LRRTM4: variants seen among roughly 807,000 people sequenced by gnomAD.
LRRTM4 encodes leucine rich repeat transmembrane neuronal 4.
Under a neutral mutation model 47.6 loss-of-function variants are expected in LRRTM4, and 25 were observed. The observed-to-expected ratio is 0.53, with a 90% confidence interval of 0.38 to 0.73. The LOEUF (loss-of-function observed/expected upper bound fraction) is 0.73. Ranked by LOEUF, LRRTM4 falls within the 30% of genes least tolerant of loss-of-function variation. The pLI is 0.00. For synonymous variants in LRRTM4, 311 were observed against 269.5 expected (o/e 1.15, Z -1.51); for missense variants, 638 against 713.4 (o/e 0.89, Z 1.20).
chr2:76,870,376 T>C (rs1442331543), intron 3 of LRRTM4, among the ~76,000 whole-genome samples: 1 of 152,140 alleles, frequency 6.6e-6, no homozygotes, highest in Non-Finnish European at 1.5e-5. Flanking sequence ...GAGTAATAAT[T>C]ATGTGGGCAT....
At chr2:77,431,731 G>A (rs903265971) in intron 3 of LRRTM4, among the ~76,000 whole-genome samples, 4 of 149,054 alleles carry the variant, frequency 2.7e-5, no homozygotes, top group Admixed American at 6.6e-5. Context: ...GGTGGGGAAG[G>A]CAGAGGGTAG....
At chr2:77,356,637 CTA>C (rs1671978442) in intron 3 of LRRTM4, among the ~76,000 whole-genome samples, 1 of 152,130 alleles carries the variant, frequency 6.6e-6, no homozygotes, top group Non-Finnish European at 1.5e-5. Flanking sequence ...AGCGCCTATG[CTA>C]TCATTTCAGC....
chr2:76,910,560 A>C (rs962080862), intron 3 of LRRTM4, among the ~76,000 whole-genome samples: 1 of 152,208 alleles, frequency 6.6e-6, no homozygotes, highest in Non-Finnish European at 1.5e-5. Flanking sequence ...TTTGTTTCTC[A>C]TTATGTCAGG....
chr2:77,503,778 G>A (rs1678662214), intron 3 of LRRTM4, among the ~76,000 whole-genome samples: 1 of 151,658 alleles, frequency 6.6e-6, no homozygotes. Flanking sequence ...ATGAACCCAT[G>A]TACAGAAGTC....
At chr2:76,922,107 C>A (rs1204455786) in intron 3 of LRRTM4, among the ~76,000 whole-genome samples, 1 of 151,946 alleles carries the variant, frequency 6.6e-6, no homozygotes, top group Non-Finnish European at 1.5e-5. Context: ...GTAGGTGAAC[C>A]TAGAAGATAT....
At chr2:77,410,462 G>A (rs1442478332) in intron 3 of LRRTM4, among the ~76,000 whole-genome samples, 4 of 152,114 alleles carry the variant, frequency 2.6e-5, no homozygotes, top group Non-Finnish European at 5.9e-5. Flanking sequence ...TTGCTTTACA[G>A]GATGTAACAC....
intron 3 of LRRTM4, among the ~76,000 whole-genome samples, chr2:77,155,559 T>C (rs1298799438): frequency 6.7e-6 from 1 of 150,214 alleles, no homozygotes; most frequent in East Asian, 2.0e-4. Flanking sequence ...TTGAATAATA[T>C]TATATATATA....
rs185859550 is a variant in LRRTM4 at position 76,941,888 on chromosome 2, A to C, written c.1552-192972T>G. Among the ~76,000 whole-genome samples, 211 of 152,298 alleles carry C rather than the reference A, an allele frequency of 1.4e-3. 1 individual carries two copies. Among genetic ancestry groups the C allele is most frequent in the African/African-American group, 4.9e-3 (204 of 41,564 alleles). On this transcript the variant is annotated intron_variant, in intron 3 of 3. Coordinates refer to ENST00000409884, the MANE Select transcript of LRRTM4 (RefSeq NM_001134745.3). ...TTCTAGATCCTTGAGGAATCACCAC[A>C]CTGTCTTCCATAATGGTTCAACTAA...
intron 3 of LRRTM4, among the ~76,000 whole-genome samples, chr2:77,105,059 A>G (rs201979536): frequency 1.4e-5 from 1 of 71,186 alleles, no homozygotes; most frequent in Admixed American, 1.5e-4. Flanking sequence ...AAAATAAAAG[A>G]AAAAAAAAAT....
At chr2:77,426,533 G>C (rs1483781812) in intron 3 of LRRTM4, among the ~76,000 whole-genome samples, 2 of 152,054 alleles carry the variant, frequency 1.3e-5, no homozygotes, top group Admixed American at 6.5e-5. Flanking sequence ...TTGAATTGTA[G>C]TTCCCATAAT....
At chr2:77,275,472 G>A (rs528260473) in intron 3 of LRRTM4, among the ~76,000 whole-genome samples, 1 of 152,146 alleles carries the variant, frequency 6.6e-6, no homozygotes, top group Admixed American at 6.6e-5. Flanking sequence ...AAACATAATT[G>A]ATAATCAGGC....
intron 3 of LRRTM4, among the ~76,000 whole-genome samples, chr2:77,160,891 A>G (rs1672708181): frequency 6.6e-6 from 1 of 152,200 alleles, no homozygotes; most frequent in Admixed American, 6.5e-5. Flanking sequence ...GCTTGCACAT[A>G]GTCATTATAT....
At chr2:76,938,460 T>C (rs1228786639) in intron 3 of LRRTM4, among the ~76,000 whole-genome samples, 1 of 152,318 alleles carries the variant, frequency 6.6e-6, no homozygotes, top group Non-Finnish European at 1.5e-5. Flanking sequence ...AATTGCATAA[T>C]TTCATTAGAA....
chr2:76,930,304 C>G (rs1674728065), intron 3 of LRRTM4, among the ~76,000 whole-genome samples: 1 of 152,140 alleles, frequency 6.6e-6, no homozygotes, highest in South Asian at 2.1e-4. Flanking sequence ...TTAGCTAAGT[C>G]TCATGATGCT....
chr2:76,948,886 A>C (rs1675409564), intron 3 of LRRTM4, among the ~76,000 whole-genome samples: 1 of 151,880 alleles, frequency 6.6e-6, no homozygotes, highest in South Asian at 2.1e-4. Flanking sequence ...TTTTATGAGA[A>C]GGAATATACA....
rs191418817 is a variant in LRRTM4 at position 76,908,375 on chromosome 2, C to A, written c.1552-159459G>T. Among the ~76,000 whole-genome samples the A allele has an allele frequency of 5.1e-3, 772 of 152,020 alleles. 4 individuals are homozygous for A. Among genetic ancestry groups the A allele is most frequent in the African/African-American group, 0.017 (723 of 41,422 alleles). ...ATAAGAGCTATCTATGACAAACCCA[C>A]AGCCAATATCATACTGAATGGGCAA... On this transcript the variant is annotated intron_variant, in intron 3 of 3. Transcript: ENST00000409884.
At chr2:76,953,838 G>A (rs1339782102) in intron 3 of LRRTM4, among the ~76,000 whole-genome samples, 2 of 151,914 alleles carry the variant, frequency 1.3e-5, no homozygotes, top group African/African-American at 2.4e-5. Context: ...AGTCCTGATG[G>A]GAGCTGGCAT....
chr2:77,462,057 A>T (rs77435441), intron 3 of LRRTM4, among the ~76,000 whole-genome samples: 2,617 of 152,204 alleles, frequency 0.017, 111 homozygotes, highest in East Asian at 0.14. Flanking sequence ...TAATATACTC[A>T]TTTAACCTAG....
chr2:77,425,937 T>C (rs1675086145), intron 3 of LRRTM4, among the ~76,000 whole-genome samples: 1 of 151,084 alleles, frequency 6.6e-6, no homozygotes, highest in African/African-American at 2.4e-5. Flanking sequence ...GTCAATGTGG[T>C]GAAACCCTGT....
Sources: allele counts gnomAD v4.1 joint callset (sites outside exome capture counted in the v4.1 genomes callset), GRCh38; gene constraint gnomAD v4.1.1; transcripts MANE v1.5; gene names NCBI Gene and HGNC (gene_info 2026-07-23, HGNC 2026-07-21).